Variants in FMNL2 observed in about 807,000 individuals in gnomAD.
The protein encoded by FMNL2 is formin-like protein 2.
FMNL2 carries 51 observed loss-of-function variants against 130.2 expected under a neutral mutation model. The ratio of observed to expected loss-of-function variants is 0.39; its 90% CI spans 0.31 to 0.49. The LOEUF (loss-of-function observed/expected upper bound fraction) is 0.49, where lower values mean the gene tolerates loss of function less well. Among genes scored for constraint, FMNL2 ranks in the 20% least tolerant of loss-of-function variants. FMNL2 has a pLI of 0.85. For missense variants in FMNL2, 977 were observed against 1,316.2 expected (o/e 0.74, Z 3.99); for synonymous variants, 465 against 467.1 (o/e 1.00, Z 0.06).
rs1374948555 is a variant in FMNL2, at chr2:152,647,788, C to T, written c.3170-8C>T. 1 of 1,613,806 alleles carries T rather than the reference C, an allele frequency of 6.2e-7. No homozygotes were observed. The highest frequency in any genetic ancestry group is 8.5e-7 in the Non-Finnish European group (1 of 1,179,734). ...GCTATTCTCTCACTGGCACTCTCCC[C>T]TTTACAGATCTTAGAAACCAACCAT... On this transcript the variant is annotated splice_polypyrimidine_tract_variant and splice_region_variant and intron_variant, in intron 25 of 25. Coordinates refer to ENST00000288670, the MANE Select transcript of FMNL2 (RefSeq NM_052905.4).
chr2:152,647,328 T>C (rs1038169652), intron 25 of FMNL2, among the ~76,000 whole-genome samples: 2 of 152,206 alleles, frequency 1.3e-5, no homozygotes, highest in African/African-American at 2.4e-5. Context: ...ATAGAGCCCT[T>C]ATCTGCAAAC....
chr2:152,416,044 C>T (rs541703476), intron 1 of FMNL2, among the ~76,000 whole-genome samples: 12 of 152,258 alleles, frequency 7.9e-5, no homozygotes, highest in African/African-American at 2.9e-4. Context: ...TTTGGAAAAA[C>T]CCCACTTATT....
intron 9 of FMNL2, among the ~76,000 whole-genome samples, chr2:152,599,694 A>C (rs551912965): frequency 6.6e-6 from 1 of 152,264 alleles, no homozygotes; most frequent in South Asian, 2.1e-4. Flanking sequence ...CCTCAGGCTC[A>C]TAGTCATCTC....
chr2:152,449,606 T>G (rs1463318389), intron 1 of FMNL2, among the ~76,000 whole-genome samples: 1 of 152,166 alleles, frequency 6.6e-6, no homozygotes, highest in Non-Finnish European at 1.5e-5. Context: ...TAGGTCCGTA[T>G]CATTTGAGAG....
At chr2:152,621,006 G>C (rs545073177) in intron 15 of FMNL2, 1 of 985,234 alleles carries the variant, frequency 1.0e-6, no homozygotes, top group African/African-American at 1.7e-5. Context: ...CAGAGTCATC[G>C]TGGAACTGAT....
In FMNL2 at chr2:152,637,685, AG is replaced by A; in HGVS notation, c.2946+13del. 1 of 1,610,556 alleles carries A rather than the reference AG, an allele frequency of 6.2e-7. No individual in the cohort carries two copies. The highest frequency in any genetic ancestry group is 8.5e-7 in the Non-Finnish European group (1 of 1,176,848). ...GTGAAAGCATATAAGGTATATGTTA[AG>A]GCCCTCCTTGCCCTTATTTCTCAAG... is the stretch of plus-strand genomic sequence containing the variant. On this transcript the variant is annotated intron_variant, in intron 23 of 25. Coordinates refer to ENST00000288670, the MANE Select transcript of FMNL2 (RefSeq NM_052905.4).
intron 9 of FMNL2, among the ~76,000 whole-genome samples, chr2:152,602,926 C>G (rs1698163731): frequency 6.6e-6 from 1 of 152,170 alleles, no homozygotes; most frequent in Admixed American, 6.5e-5. Context: ...CCTGTTTCAC[C>G]CAGTGCGTGG....
chr2:152,592,446 T>C (rs963785250), intron 9 of FMNL2, among the ~76,000 whole-genome samples: 5 of 152,172 alleles, frequency 3.3e-5, no homozygotes, highest in Non-Finnish European at 7.4e-5. Flanking sequence ...AAGGGCTTTG[T>C]TTGTTGGTTT....
At chr2:152,529,034 C>T (rs1048016661) in intron 2 of FMNL2, among the ~76,000 whole-genome samples, 148 of 152,334 alleles carry the variant, frequency 9.7e-4, no homozygotes, top group Non-Finnish European at 1.0e-3. Flanking sequence ...ACTAGCTGAG[C>T]ACCCACGGGG....
intron 25 of FMNL2, among the ~76,000 whole-genome samples, chr2:152,645,016 T>G (rs1683425204): frequency 6.6e-6 from 1 of 152,236 alleles, no homozygotes; most frequent in Non-Finnish European, 1.5e-5. Flanking sequence ...ATGTGTTTAT[T>G]TTGTGGCATA....
At chr2:152,361,334 C>T (rs1435585189) in intron 1 of FMNL2, among the ~76,000 whole-genome samples, 1 of 152,136 alleles carries the variant, frequency 6.6e-6, no homozygotes, top group Non-Finnish European at 1.5e-5. Context: ...GTAAAATATA[C>T]ATGAAAACCA....
At chr2:152,579,091 C>A in intron 8 of FMNL2, 127 bp downstream of exon 8, 1 of 750,402 alleles carries the variant, frequency 1.3e-6, no homozygotes. Context: ...TGGCTATAAA[C>A]TCTTTGGCTG....
intron 1 of FMNL2, among the ~76,000 whole-genome samples, chr2:152,440,907 T>C (rs1257472874): frequency 6.6e-6 from 1 of 152,256 alleles, no homozygotes; most frequent in East Asian, 1.9e-4. Flanking sequence ...GCCTATCAGA[T>C]GCAGTTGAAA....
chr2:152,475,729 C>G lies in FMNL2; in HGVS notation c.118-46214C>G, dbSNP rs1579756325. ...GGCCAGGCTGGTGTTGAACACCTGACCTCAAGTGATCTTCCTGCCTCAGCC... is the reference window on the plus strand; with the variant it reads ...GGCCAGGCTGGTGTTGAACACCTGAGCTCAAGTGATCTTCCTGCCTCAGCC... On this transcript the variant is annotated intron_variant, in intron 1 of 25. Coordinates refer to ENST00000288670, the MANE Select transcript of FMNL2 (RefSeq NM_052905.4). Among the ~76,000 whole-genome samples, 3 of 152,196 alleles carry G rather than the reference C, an allele frequency of 2.0e-5. No homozygotes were observed. In the East Asian group the frequency reaches 5.8e-4, roughly 29 times the overall value.
At chr2:152,363,615 G>A (rs760426756) in intron 1 of FMNL2, among the ~76,000 whole-genome samples, 5 of 151,828 alleles carry the variant, frequency 3.3e-5, no homozygotes, top group Non-Finnish European at 7.4e-5. Flanking sequence ...AGGCTGGGGT[G>A]CAGTGGTGTG....
intron 1 of FMNL2, among the ~76,000 whole-genome samples, chr2:152,459,272 C>T (rs752988053): frequency 3.9e-5 from 6 of 152,112 alleles, no homozygotes; most frequent in Non-Finnish European, 5.9e-5. Context: ...AAAGAACACC[C>T]AAAGATCTGA....
chr2:152,558,732 C>CG lies in FMNL2; in HGVS notation c.360-8_360-7insG. On this transcript the variant is annotated splice_region_variant and splice_polypyrimidine_tract_variant and intron_variant, in intron 4 of 25. Coordinates refer to ENST00000288670, the MANE Select transcript of FMNL2 (RefSeq NM_052905.4). ...CTCCAATGATTTTTTTTTTTTTTTC[C>CG]CCAACAGATGGGTCAGAGAATTTCT... 1 of 1,587,828 alleles carries CG rather than the reference C, an allele frequency of 6.3e-7. No individual in the cohort carries two copies.
chr2:152,592,166 T>C (rs1014714446), intron 9 of FMNL2, among the ~76,000 whole-genome samples: 1 of 152,216 alleles, frequency 6.6e-6, no homozygotes, highest in African/African-American at 2.4e-5. Context: ...TTGAGAAAGG[T>C]AGGACTGACT....
chr2:152,494,740 A>T (rs184674597), intron 1 of FMNL2, among the ~76,000 whole-genome samples: 130 of 152,232 alleles, frequency 8.5e-4, no homozygotes, highest in Non-Finnish European at 1.2e-3. Context: ...AAAAAGTTAG[A>T]TGTAGTGGTC....
Sources: allele counts gnomAD v4.1 joint callset (sites outside exome capture counted in the v4.1 genomes callset), GRCh38; gene constraint gnomAD v4.1.1; transcripts MANE v1.5; gene names NCBI Gene and HGNC (gene_info 2026-07-23, HGNC 2026-07-21).